ACBD5: variants seen among roughly 807,000 people sequenced by gnomAD.
ACBD5 encodes the protein acyl-CoA-binding domain-containing protein 5.
Under a neutral mutation model 71.8 loss-of-function variants are expected in ACBD5, and 40 were observed. The observed-to-expected ratio is 0.56, with a 90% CI of 0.43 to 0.72. The LOEUF is 0.72. ACBD5 is among the 30% of genes least tolerant of loss of function. The pLI is 0.00. For missense variants in ACBD5, 559 were observed against 644.5 expected (o/e 0.87, Z 1.44); for synonymous variants, 229 against 218.6 (o/e 1.05, Z -0.42).
At chr10:27,219,317 A>AAAC (rs1554846340) in intron 6 of ACBD5, among the ~76,000 whole-genome samples, 10 of 13,802 alleles carry the variant, frequency 7.2e-4, no homozygotes, top group African/African-American at 1.3e-3. Context: ...ATAAAAAAAC[A>AAAC]AAAAAAAAAC....
chr10:27,236,906 GCT>G (rs1319971210), intron 2 of ACBD5, among the ~76,000 whole-genome samples: 2 of 122,252 alleles, frequency 1.6e-5, no homozygotes, highest in East Asian at 5.6e-4. Context: ...AAAAAAAAAA[GCT>G]GTGCTGTGGA....
At chr10:27,218,405 A>C (rs1054094567) in intron 6 of ACBD5, among the ~76,000 whole-genome samples, 11 of 152,128 alleles carry the variant, frequency 7.2e-5, no homozygotes, top group Non-Finnish European at 1.5e-5. Flanking sequence ...GTTCCCTGTC[A>C]ATCTTCTAGA....
chr10:27,200,554 C>G (rs1184408251), intron 12 of ACBD5, among the ~76,000 whole-genome samples: 1 of 152,066 alleles, frequency 6.6e-6, no homozygotes, highest in Non-Finnish European at 1.5e-5. Context: ...AAGCAATTCC[C>G]CTGCCTCAAC....
Position 27,206,806 on chromosome 10 carries a change from G to A in ACBD5, c.1404+1440C>T, listed in dbSNP as rs551296631. ...GCTGAAATTACAGGTGTGAGTCACC[G>A]CGCCCGGTCATAAGGCACTATTTTA... On this transcript the variant is annotated intron_variant, in intron 10 of 12. Transcript: ENST00000396271. Among the ~76,000 whole-genome samples the A allele has an allele frequency of 3.0e-4, 46 of 151,722 alleles. 1 individual carries two copies. The South Asian group carries it at 6.5e-3, about 21-fold the overall frequency.
rs747720886 is a variant in ACBD5, at chr10:27,235,198, T to C, written c.196A>G (p.Thr66Ala). 5 of 1,613,856 alleles carry C rather than the reference T, an allele frequency of 3.1e-6. No homozygotes were observed. In the African/African-American group the frequency reaches 5.3e-5, roughly 17 times the overall value. Reference protein sequence around the residue: ...SLPKNGSFQPTNEMMLKFYSF... With the variant: ...SLPKNGSFQPANEMMLKFYSF... Reference sequence around the variant, plus strand: ...TAAAATTTAAGCATCATTTCATTTGTTGGCTGGAATGAACCTGTTGGAAAC... The same window carrying C: ...TAAAATTTAAGCATCATTTCATTTGCTGGCTGGAATGAACCTGTTGGAAAC... Residue 66 changes from threonine (T) to alanine (A), a missense_variant, in exon 3 of 13, where the codon ACA becomes GCA. By Grantham distance (58) the Thr-to-Ala change is moderately conservative. Coordinates refer to ENST00000396271, the MANE Select transcript of ACBD5 (RefSeq NM_145698.5).
intron 4 of ACBD5, among the ~76,000 whole-genome samples, chr10:27,223,700 G>A (rs1007318035): frequency 1.3e-5 from 2 of 152,144 alleles, no homozygotes; most frequent in Non-Finnish European, 2.9e-5. Context: ...GAGCCCAGAA[G>A]TTTGAGACCA....
In ACBD5 at chr10:27,219,889, G is replaced by A. The variant is rs2062117880; in HGVS notation, c.491-32C>T. Reference sequence around the variant, plus strand: ...CATGAAATGACCACTTACTCACAATGTGATAATATACAATAATGTCATAAT... The same window carrying A: ...CATGAAATGACCACTTACTCACAATATGATAATATACAATAATGTCATAAT... On this transcript the variant is annotated intron_variant, in intron 5 of 12. Transcript: ENST00000396271. The A allele has an allele frequency of 2.5e-6, 4 of 1,609,212 alleles. No homozygotes were observed. The East Asian group carries it at 6.7e-5, about 27-fold the overall frequency.
At chr10:27,228,257 A>G (rs2063335180) in intron 4 of ACBD5, among the ~76,000 whole-genome samples, 1 of 122,904 alleles carries the variant, frequency 8.1e-6, no homozygotes, top group African/African-American at 3.1e-5. Flanking sequence ...CCCAGAAGAG[A>G]GCCTAAATTT....
At chr10:27,195,209 C>T (rs564924019), downstream of ACBD5, 1 of 383,512 alleles carries the variant, frequency 2.6e-6, no homozygotes, top group Admixed American at 3.5e-5. Flanking sequence ...GTAATAAAAG[C>T]CATATCATTT....
At chr10:27,221,262 G>C (rs788215) in intron 5 of ACBD5, among the ~76,000 whole-genome samples, 26,951 of 152,168 alleles carry the variant, frequency 0.18, 2,931 homozygotes, top group East Asian at 0.32. Flanking sequence ...TCACTAAAAA[G>C]AGAATGTGAT....
chr10:27,223,005 G>C (rs979188914), intron 5 of ACBD5, among the ~76,000 whole-genome samples: 1 of 152,120 alleles, frequency 6.6e-6, no homozygotes, highest in African/African-American at 2.4e-5. Context: ...AATATACTAA[G>C]TAAACTACCT....
chr10:27,200,974 C>T (rs1167905221), intron 12 of ACBD5, among the ~76,000 whole-genome samples: 3 of 137,478 alleles, frequency 2.2e-5, no homozygotes, highest in African/African-American at 8.6e-5. Flanking sequence ...GAGTTCAAGA[C>T]TAGCCTGGGC....
intron 3 of ACBD5, 98 bp from the exon 4 acceptor site, chr10:27,231,918 C>T (rs986367792): frequency 1.4e-5 from 16 of 1,170,154 alleles, no homozygotes; most frequent in Non-Finnish European, 2.0e-5. Context: ...CTAATTAAAA[C>T]AGGTTCTACT....
At chr10:27,191,982 A>G (rs1022942645), downstream of ACBD5, among the ~76,000 whole-genome samples, 1 of 152,230 alleles carries the variant, frequency 6.6e-6, no homozygotes, top group African/African-American at 2.4e-5. Context: ...AGAAGAAATA[A>G]TAAGATACAG....
upstream of ACBD5, among the ~76,000 whole-genome samples, chr10:27,241,828 A>G (rs2065533091): frequency 6.6e-6 from 1 of 152,136 alleles, no homozygotes; most frequent in Non-Finnish European, 1.5e-5. Flanking sequence ...TCAACTTACT[A>G]GCGCAACCCC....
At chr10:27,208,017 G>A (rs1431162550) in intron 10 of ACBD5, among the ~76,000 whole-genome samples, 4 of 152,120 alleles carry the variant, frequency 2.6e-5, no homozygotes, top group African/African-American at 4.8e-5. Context: ...TTACAGGCGT[G>A]AGCCACGGCG....
downstream of ACBD5, among the ~76,000 whole-genome samples, chr10:27,193,108 T>G (rs2136377332): frequency 1.5e-5 from 2 of 129,910 alleles, no homozygotes; most frequent in East Asian, 5.3e-4. Flanking sequence ...CTCTCTTTCC[T>G]TCCTTCGTGT....
chr10:27,224,939 G>A (rs2062821434), intron 4 of ACBD5, among the ~76,000 whole-genome samples: 1 of 152,144 alleles, frequency 6.6e-6, no homozygotes, highest in African/African-American at 2.4e-5. Flanking sequence ...GCTGAGGCGA[G>A]AGAATTGCTT....
At chr10:27,191,629 A>G (rs1489964194), downstream of ACBD5, among the ~76,000 whole-genome samples, 1 of 152,210 alleles carries the variant, frequency 6.6e-6, no homozygotes, top group African/African-American at 2.4e-5. Flanking sequence ...CACGCCTGTA[A>G]GCCTAACACT....
Sources: gnomAD v4.1 joint callset for allele counts (sites outside exome capture counted in the v4.1 genomes callset) on GRCh38, gnomAD v4.1.1 for gene constraint, MANE v1.5 for transcripts, NCBI Gene and HGNC (gene_info 2026-07-23, HGNC 2026-07-21) for gene names.